The following HEBP1 variants were observed in gnomAD, a reference collection of about 807,000 sequenced individuals.
HEBP1 encodes the protein heme binding protein 1, also known as heme-binding protein 1.
HEBP1 carries 13 observed loss-of-function variants against 20.4 expected under a neutral mutation model. That is an observed-to-expected ratio of 0.64 (90% CI 0.42 to 1.01). The LOEUF (loss-of-function observed/expected upper bound fraction) is 1.01. Among genes scored for constraint, HEBP1 ranks in the 50% least tolerant of loss-of-function variants. The probability of loss-of-function intolerance (pLI) is 0.00; values close to 1 mark genes in which losing one functional copy is unlikely to be tolerated. For missense variants in HEBP1, 241 were observed against 247.3 expected (o/e 0.97, Z 0.17); for synonymous variants, 92 against 90.7 (o/e 1.01, Z -0.08).
In HEBP1 at chr12:12,999,869, C is replaced by A. The variant is rs537246148; in HGVS notation, c.78+168G>T. On this transcript the variant is annotated intron_variant, in intron 1 of 3. Transcript: ENST00000014930. ...GGGGGACCTCTCACTCCTTTCCTTC[C>A]CAGTCCAAATGCTGGGCGGTGGAGA... Among the ~76,000 whole-genome samples, 69 of 152,340 alleles carry A rather than the reference C, an allele frequency of 4.5e-4. 1 individual carries two copies. Among genetic ancestry groups the A allele is most frequent in the African/African-American group, 1.6e-3 (68 of 41,586 alleles).
Position 12,975,286 on chromosome 12 carries a change from A to G in HEBP1, c.*22T>C. On this transcript the variant is annotated 3_prime_UTR_variant, in exon 4 of 4. Transcript: ENST00000014930. Reference sequence around the variant, plus strand: ...GAGACACAGAGGCACACTTCCAGTAAGTTCTTGGTTCAGTGGGTCACTCAT... The same window carrying G: ...GAGACACAGAGGCACACTTCCAGTAGGTTCTTGGTTCAGTGGGTCACTCAT... 1.9e-6 allele frequency: 3 copies of G among 1,610,706 alleles called. No homozygotes were observed. The highest frequency in any genetic ancestry group is 2.5e-6 in the Non-Finnish European group (3 of 1,178,422).
rs745462736 is a variant in HEBP1 at position 13,000,072 on chromosome 12, T to C, written c.43A>G (p.Thr15Ala). 6.2e-7 allele frequency: 1 copy of C among 1,612,704 alleles called. No individual in the cohort carries two copies. The highest frequency in any genetic ancestry group is 2.2e-5 in the East Asian group (1 of 44,800). ...IKNSLFGSVETWPWQVLSKGD... is the reference protein window; with the variant it reads ...IKNSLFGSVEAWPWQVLSKGD... ...TTGCTTAGGACCTGCCAAGGCCACG[T>C]CTCTACGCTTCCGAACAGCGAGTTC... The change falls in exon 1 of 4, where the codon ACG becomes GCG. Residue 15 changes from threonine to alanine, a missense_variant. Coordinates refer to ENST00000014930, the MANE Select transcript of HEBP1 (RefSeq NM_015987.5).
chr12:12,977,805 C>G (rs1864011845), intron 3 of HEBP1, among the ~76,000 whole-genome samples: 1 of 152,032 alleles, frequency 6.6e-6, no homozygotes. Context: ...ATATAATTTA[C>G]TCATTAAGTT....
chr12:12,978,279 C>T (rs11055181), intron 3 of HEBP1, among the ~76,000 whole-genome samples: 3,787 of 132,804 alleles, frequency 0.029, 61 homozygotes, highest in Admixed American at 0.05. Flanking sequence ...GGCGCAATCT[C>T]GGCTCATTGC....
chr12:12,982,246 G>A (rs1864095103), intron 3 of HEBP1, among the ~76,000 whole-genome samples: 1 of 152,200 alleles, frequency 6.6e-6, no homozygotes, highest in African/African-American at 2.4e-5. Context: ...TAATGCAATT[G>A]ATTATAAGTG....
chr12:12,981,995 G>GT (rs1388891747), intron 3 of HEBP1, among the ~76,000 whole-genome samples: 1 of 152,126 alleles, frequency 6.6e-6, no homozygotes, highest in Non-Finnish European at 1.5e-5. Flanking sequence ...ACTTGTTTTT[G>GT]TTTTTTATTT....
At chr12:12,995,027 C>T (rs1039520564) in intron 1 of HEBP1, among the ~76,000 whole-genome samples, 2 of 152,242 alleles carry the variant, frequency 1.3e-5, no homozygotes, top group African/African-American at 2.4e-5. Context: ...ACACTCACAG[C>T]ACCTGCTCTG....
chr12:12,993,042 T>C (rs1010051602), intron 1 of HEBP1, among the ~76,000 whole-genome samples: 1 of 152,078 alleles, frequency 6.6e-6, no homozygotes, highest in Non-Finnish European at 1.5e-5. Context: ...CTATGGGGGG[T>C]GAAGTGAGCA....
In HEBP1 at chr12:13,000,247, AAGG is replaced by A; in HGVS notation, c.-136_-134del. ...CAGGGCGGCAGGGTGGCAGGGCGGC[AAGG>A]CGGCGGGACGGCGAGGCGGCGAGGC... is the stretch of plus-strand genomic sequence containing the variant. On this transcript the variant is annotated 5_prime_UTR_variant, in exon 1 of 4. Transcript: ENST00000014930. The A allele has an allele frequency of 2.7e-6, 1 of 366,170 alleles. No individual in the cohort carries two copies. 22.7% of individuals were successfully genotyped at this position (366,170 alleles called of 1,614,324 possible). A position where few individuals can be genotyped will look rare whatever the true frequency, so the allele number is the denominator to read the frequency against.
intron 1 of HEBP1, among the ~76,000 whole-genome samples, chr12:12,990,645 A>T (rs1446568945): frequency 6.6e-6 from 1 of 152,186 alleles, no homozygotes; most frequent in Admixed American, 6.5e-5. Flanking sequence ...GAAAATTGGT[A>T]ACAGCCCTTT....
chr12:12,999,126 A>G (rs892754788), intron 1 of HEBP1, among the ~76,000 whole-genome samples: 1 of 152,234 alleles, frequency 6.6e-6, no homozygotes, highest in Non-Finnish European at 1.5e-5. Flanking sequence ...TATTCTGCAC[A>G]GATCTTGTTC....
At chr12:12,981,461 AG>A (rs1218132566) in intron 3 of HEBP1, among the ~76,000 whole-genome samples, 1 of 152,086 alleles carries the variant, frequency 6.6e-6, no homozygotes, top group Non-Finnish European at 1.5e-5. Context: ...GACAGCTATC[AG>A]GGGGAGAGAA....
intron 3 of HEBP1, among the ~76,000 whole-genome samples, chr12:12,982,012 G>A (rs1423982427): frequency 1.3e-5 from 2 of 152,074 alleles, no homozygotes; most frequent in African/African-American, 2.4e-5. Context: ...ATTTAGAGAC[G>A]GGGTCTCATT....
Position 12,975,453 on chromosome 12 carries a change from G to C in HEBP1, c.425C>G (p.Ala142Gly). ...SMQFGGYAKE[A>G]DYVAQATRLR... ...ACGGGTGGCTTGTGCTACGTAGTCT[G>C]CTTCCTTGGCATAACCACCAAACTG... The change falls in exon 4 of 4, where the codon GCA becomes GGA. Residue 142 changes from alanine (A) to glycine (G), a missense_variant. Coordinates refer to ENST00000014930, the MANE Select transcript of HEBP1 (RefSeq NM_015987.5). 1.2e-6 allele frequency: 2 copies of C among 1,609,314 alleles called. No homozygotes were observed. Among genetic ancestry groups the C allele is most frequent in the Non-Finnish European group, 1.7e-6 (2 of 1,178,132 alleles).
chr12:12,991,348 C>T (rs553112074), intron 1 of HEBP1, among the ~76,000 whole-genome samples: 5 of 152,184 alleles, frequency 3.3e-5, no homozygotes, highest in Admixed American at 6.5e-5. Flanking sequence ...CTGTTCACAC[C>T]GTGCTCCCAG....
chr12:12,989,267 G>C lies in HEBP1; in HGVS notation c.217+10C>G, dbSNP rs778331263. The C allele has an allele frequency of 3.7e-6, 6 of 1,613,634 alleles. No individual in the cohort carries two copies. In the Admixed American group the frequency reaches 1.0e-4, roughly 27 times the overall value. ...CCGAGACCAGAGCCACATCCTGCAG[G>C]GGTACTCACCCTTGTCATTGGTGCC... is the stretch of plus-strand genomic sequence containing the variant. On this transcript the variant is annotated intron_variant, in intron 2 of 3. Coordinates refer to ENST00000014930, the MANE Select transcript of HEBP1 (RefSeq NM_015987.5).
intron 1 of HEBP1, among the ~76,000 whole-genome samples, chr12:12,990,116 GCA>G (rs36210276): frequency 0.13 from 19,048 of 149,396 alleles, 1,290 homozygotes; most frequent in African/African-American, 0.18. Flanking sequence ...TACTCTCTGT[GCA>G]CACACACACA....
At position 13,000,192 on chromosome 12, in the gene HEBP1, C is replaced by CGGCGGCAGGGCGGCAGGGCGGCAG. The variant is rs878915334; in HGVS notation, c.-102_-79dup. 3,642 of 585,260 alleles carry CGGCGGCAGGGCGGCAGGGCGGCAG rather than the reference C, an allele frequency of 6.2e-3. 88 individuals are homozygous for CGGCGGCAGGGCGGCAGGGCGGCAG. The highest frequency in any genetic ancestry group is 0.015 in the African/African-American group (791 of 51,164). The allele number at this position is 585,260 out of a possible 1,614,324, so 36.3% of individuals were successfully genotyped here. On this transcript the variant is annotated 5_prime_UTR_variant, in exon 1 of 4. Transcript: ENST00000014930. ...ACGGAGCACCACGGGCAGCGACCAC[C>CGGCGGCAGGGCGGCAGGGCGGCAG]GGCGGCAGGGCGGCAGGGCGGCAGG...
At chr12:12,975,725 G>A (rs1451617659) in intron 3 of HEBP1, among the ~76,000 whole-genome samples, 1 of 148,596 alleles carries the variant, frequency 6.7e-6, no homozygotes, top group Admixed American at 7.1e-5. Flanking sequence ...AGTAATGGAC[G>A]TGAAAAACTC....
Sources: allele counts gnomAD v4.1 joint callset (sites outside exome capture counted in the v4.1 genomes callset), GRCh38; gene constraint gnomAD v4.1.1; transcripts MANE v1.5; gene names NCBI Gene and HGNC (gene_info 2026-07-23, HGNC 2026-07-21).